Variants in SMUG1 observed in about 807,000 individuals in gnomAD.
SMUG1 encodes single-strand selective monofunctional uracil DNA glycosylase.
In SMUG1, 13 loss-of-function variants were observed where a neutral mutation model predicts 23.9. The observed-to-expected ratio is 0.54, with a 90% CI of 0.35 to 0.86. The LOEUF (loss-of-function observed/expected upper bound fraction) is 0.86, where lower values mean the gene tolerates loss of function less well. Ranked by LOEUF, SMUG1 falls within the 40% of genes least tolerant of loss-of-function variation. The pLI, the probability that SMUG1 is intolerant of heterozygous loss-of-function variation, is 0.01. For missense variants in SMUG1, 313 were observed against 339.5 expected (o/e 0.92, Z 0.61); for synonymous variants, 133 against 139.8 (o/e 0.95, Z 0.34).
chr12:54,188,187 G>A (rs1261332769), intron 1 of SMUG1, among the ~76,000 whole-genome samples: 3 of 151,342 alleles, frequency 2.0e-5, no homozygotes, highest in African/African-American at 7.3e-5. Context: ...AGTGAGGAAG[G>A]AATCGAAATC....
At position 54,180,660 on chromosome 12, in the gene SMUG1, G is replaced by A. The variant is rs2136571950; in HGVS notation, c.*1436C>T. 1 of 152,212 alleles carries A rather than the reference G, an allele frequency of 6.6e-6. No homozygotes were observed. Among genetic ancestry groups the A allele is most frequent in the East Asian group, 1.9e-4 (1 of 5,188 alleles). 9.4% of individuals were successfully genotyped at this position (152,212 alleles called of 1,614,324 possible). ...TCACGGTGTCCAGAGTATCATATAA[G>A]ACCCCTAACAGACACTTAACAGAGA... On this transcript the variant is annotated 3_prime_UTR_variant, in exon 4 of 4. Coordinates refer to ENST00000682136, the MANE Select transcript of SMUG1 (RefSeq NM_001243787.2).
Position 54,183,977 on chromosome 12 carries a change from C to G in SMUG1, c.-19-18G>C. 3 of 1,470,724 alleles carry G rather than the reference C, an allele frequency of 2.0e-6. No homozygotes were observed. The highest frequency in any genetic ancestry group is 2.7e-6 in the Non-Finnish European group (3 of 1,112,998). 91.1% of individuals were successfully genotyped at this position (1,470,724 alleles called of 1,614,324 possible). A position where few individuals can be genotyped will look rare whatever the true frequency, so the allele number is the denominator to read the frequency against. On this transcript the variant is annotated intron_variant, in intron 2 of 3. Transcript: ENST00000682136. ...GCTGTCACCTGGGAAAAGAGATGGACAGAAGCCCCATCAACCCTCAGCCAC... is the reference window on the plus strand; with the variant it reads ...GCTGTCACCTGGGAAAAGAGATGGAGAGAAGCCCCATCAACCCTCAGCCAC...
At chr12:54,160,997 G>A (rs892529352), downstream of SMUG1, among the ~76,000 whole-genome samples, 14 of 152,086 alleles carry the variant, frequency 9.2e-5, no homozygotes, top group African/African-American at 3.4e-4. Context: ...CCCTCACAGG[G>A]CACACACTGT....
At chr12:54,171,292 G>A (rs541377750) in intron 3 of SMUG1, among the ~76,000 whole-genome samples, 10 of 151,036 alleles carry the variant, frequency 6.6e-5, no homozygotes, top group African/African-American at 1.7e-4. Context: ...GAGCCACCAC[G>A]CCTGGCCACC....
rs757409160 is a variant in SMUG1, at chr12:54,182,189, G to A, written c.720C>T (p.Pro240=). The A allele has an allele frequency of 5.0e-6, 8 of 1,610,658 alleles. No homozygotes were observed. The highest frequency in any genetic ancestry group is 6.8e-6 in the Non-Finnish European group (8 of 1,177,838). ...PEVQVEGLLH[P]SPRNPQANKG... is the part of the protein sequence containing the mutation. ...TGTTGGCCTGTGGGTTACGGGGAGA[G>A]GGATGCAGGAGCCCTTCCACCTGGA... Residue 240 remains proline (P), a synonymous_variant, in exon 4 of 4, where the codon CCC becomes CCT. Coordinates refer to ENST00000682136, the MANE Select transcript of SMUG1 (RefSeq NM_001243787.2).
downstream of SMUG1, among the ~76,000 whole-genome samples, chr12:54,160,540 T>C (rs12304920): frequency 0.27 from 41,270 of 152,166 alleles, 7,385 homozygotes; most frequent in African/African-American, 0.49. Flanking sequence ...ACTCCCATTC[T>C]GGGACAGGAC....
rs907856739 is a variant in SMUG1 at position 54,171,803 on chromosome 12, C to T, written c.*52+222G>A. The stretch of plus-strand genomic sequence containing the variant: ...TAACATGTCCACAACTAATACTACT[C>T]CCAAAACCAGCTCCTCCTGTGGTAT... On this transcript the variant is annotated intron_variant and NMD_transcript_variant, in intron 3 of 4. Transcript: ENST00000509864. Among the ~76,000 whole-genome samples the T allele has an allele frequency of 2.0e-5, 3 of 151,862 alleles. 1 individual carries two copies. In the South Asian group the frequency reaches 6.3e-4, roughly 32 times the overall value.
In SMUG1 at chr12:54,181,802, G is replaced by C. The variant is rs1315491510; in HGVS notation, c.*294C>G. Reference sequence around the variant, plus strand: ...AGTCTCCCAAGGAAACACTGAGGTAGAGCAGTCTGCAAGTGCAAAAGCACA... The same window carrying C: ...AGTCTCCCAAGGAAACACTGAGGTACAGCAGTCTGCAAGTGCAAAAGCACA... On this transcript the variant is annotated 3_prime_UTR_variant, in exon 4 of 4. Transcript: ENST00000682136. 5 of 1,430,218 alleles carry C rather than the reference G, an allele frequency of 3.5e-6. No individual in the cohort carries two copies. The highest frequency in any genetic ancestry group is 2.5e-5 in the East Asian group (1 of 39,978). 88.6% of individuals were successfully genotyped at this position (1,430,218 alleles called of 1,614,324 possible). A position where few individuals can be genotyped will look rare whatever the true frequency, so the allele number is the denominator to read the frequency against.
At chr12:54,173,413 C>T (rs909803893) in intron 2 of SMUG1, among the ~76,000 whole-genome samples, 1 of 152,150 alleles carries the variant, frequency 6.6e-6, no homozygotes, top group Admixed American at 6.5e-5. Flanking sequence ...AAAAAAGTGT[C>T]GAGGCGGGGA....
intron 2 of SMUG1, among the ~76,000 whole-genome samples, chr12:54,185,070 A>C (rs1466649316): frequency 6.6e-6 from 1 of 152,094 alleles, no homozygotes; most frequent in East Asian, 1.9e-4. Context: ...GCACTTTAGG[A>C]GGCTGAGGTG....
At chr12:54,177,009 A>C (rs969858308), downstream of SMUG1, among the ~76,000 whole-genome samples, 2 of 152,124 alleles carry the variant, frequency 1.3e-5, no homozygotes, top group African/African-American at 4.8e-5. Flanking sequence ...CACTAGGCAA[A>C]AAGAACAAAC....
intron 3 of SMUG1, among the ~76,000 whole-genome samples, chr12:54,165,967 C>T (rs1300763815): frequency 6.6e-6 from 1 of 152,234 alleles, no homozygotes; most frequent in African/African-American, 2.4e-5. Context: ...ATTCACTCTA[C>T]AAGTGTGAGA....
intron 3 of SMUG1, chr12:54,168,282 T>C (rs1940537156): frequency 6.6e-6 from 1 of 152,208 alleles, no homozygotes. Context: ...ATTCTCTTTT[T>C]CAGATTTAGG....
At chr12:54,168,214 G>A (rs1940533110) in intron 3 of SMUG1, 1 of 152,150 alleles carries the variant, frequency 6.6e-6, no homozygotes, top group Non-Finnish European at 1.5e-5. Flanking sequence ...AGTGACCTTG[G>A]ACCTCCTCTT....
At chr12:54,164,198 G>A (rs558207931), downstream of SMUG1, among the ~76,000 whole-genome samples, 4 of 151,962 alleles carry the variant, frequency 2.6e-5, no homozygotes, top group African/African-American at 9.7e-5. Context: ...ACTGGGGAGA[G>A]AGACAGAGGG....
chr12:54,181,971 C>A lies in SMUG1; in HGVS notation c.*125G>T, dbSNP rs752489063. 2.1e-5 allele frequency: 31 copies of A among 1,499,930 alleles called. No homozygotes were observed. In the East Asian group the frequency reaches 6.4e-4, roughly 31 times the overall value. The allele number at this position is 1,499,930 out of a possible 1,614,324, so 92.9% of individuals were successfully genotyped here. A position where few individuals can be genotyped will look rare whatever the true frequency, so the allele number is the denominator to read the frequency against. ...AGACAGTTCAACAGATCAAAGAATACGTTTCCCAGCGACCAGGGTGCACAG... is the reference window on the plus strand; with the variant it reads ...AGACAGTTCAACAGATCAAAGAATAAGTTTCCCAGCGACCAGGGTGCACAG... On this transcript the variant is annotated 3_prime_UTR_variant, in exon 4 of 4. Transcript: ENST00000682136.
downstream of SMUG1, among the ~76,000 whole-genome samples, chr12:54,176,517 A>ACCCGCC (rs1247915453): frequency 4.0e-5 from 3 of 74,998 alleles, no homozygotes; most frequent in South Asian, 5.4e-4. Flanking sequence ...TCCCCCCCCA[A>ACCCGCC]AAAAAAAGGC....
chr12:54,180,081 T>C (rs76833587), downstream of SMUG1, among the ~76,000 whole-genome samples: 490 of 152,346 alleles, frequency 3.2e-3, 10 homozygotes, highest in East Asian at 0.05. Context: ...ACTCAATCTC[T>C]AGCCCCTCTC....
chr12:54,167,051 C>T (rs539613325), intron 3 of SMUG1, among the ~76,000 whole-genome samples: 51 of 152,184 alleles, frequency 3.4e-4, no homozygotes, highest in Non-Finnish European at 7.2e-4. Flanking sequence ...CTAGGGCCCC[C>T]GCTCCAAGGT....
Sources: allele counts gnomAD v4.1 joint callset (sites outside exome capture counted in the v4.1 genomes callset), GRCh38; gene constraint gnomAD v4.1.1; transcripts MANE v1.5; gene names NCBI Gene and HGNC (gene_info 2026-07-23, HGNC 2026-07-21).